USP34: variants seen among roughly 807,000 people sequenced by gnomAD.
USP34 encodes the protein ubiquitin carboxyl-terminal hydrolase 34.
A neutral mutation model predicts 460.3 loss-of-function variants in USP34; 70 were observed. That is an observed-to-expected ratio of 0.15 (90% confidence interval 0.13 to 0.19). The LOEUF is 0.19. USP34 is among the 10% of genes least tolerant of loss of function. The pLI, the probability that USP34 is intolerant of heterozygous loss-of-function variation, is 1.00. For synonymous variants in USP34, 1,647 were observed against 1,405.3 expected, an observed-to-expected ratio of 1.17 and a Z score of -3.85; for missense variants, 3,985 against 4,236.2, an observed-to-expected ratio of 0.94 and a Z score of 1.65.
intron 50 of USP34, among the ~76,000 whole-genome samples, chr2:61,246,123 A>C (rs1284802182): frequency 6.6e-6 from 1 of 152,224 alleles, no homozygotes; most frequent in East Asian, 1.9e-4. Context: ...TCTCCAAGGA[A>C]AGGATTCAAA....
Position 61,339,674 on chromosome 2 carries a change from T to C in USP34, c.2508A>G (p.Val836=), listed in dbSNP as rs367761935. 4.0e-6 allele frequency: 6 copies of C among 1,481,910 alleles called. No homozygotes were observed. The highest frequency in any genetic ancestry group is 2.9e-5 in the African/African-American group (2 of 68,206). 91.8% of individuals were successfully genotyped at this position (1,481,910 alleles called of 1,614,324 possible). A position where few individuals can be genotyped will look rare whatever the true frequency, so the allele number is the denominator to read the frequency against. The change falls in exon 17 of 80, where the codon GTA becomes GTG. Residue 836 remains valine (V), a synonymous_variant. Coordinates refer to ENST00000398571, the MANE Select transcript of USP34 (RefSeq NM_014709.4). Reference sequence around the variant, plus strand: ...TACTGTTGAATTGATGTTTATGAACTACAGGTCCTGAAGAGAAAAAAAAAA... The same window carrying C: ...TACTGTTGAATTGATGTTTATGAACCACAGGTCCTGAAGAGAAAAAAAAAA... ...IYHEHLSQGP[V]VHKHQFNSNA... is the part of the protein sequence containing the mutation.
chr2:61,241,840 T>C, intron 51 of USP34, 21 bp from the exon 52 acceptor site: 3 of 1,416,456 alleles, frequency 2.1e-6, no homozygotes, highest in Non-Finnish European at 2.9e-6. Context: ...ATACAAAAGT[T>C]TTACTTCTTT....
At chr2:61,292,381 A>G (rs1275117882) in intron 33 of USP34, among the ~76,000 whole-genome samples, 1 of 152,238 alleles carries the variant, frequency 6.6e-6, no homozygotes, top group Non-Finnish European at 1.5e-5. Flanking sequence ...CTTGGGCATT[A>G]TAAAGCTACA....
chr2:61,217,895 C>T (rs1427149869), intron 67 of USP34, among the ~76,000 whole-genome samples: 1 of 152,042 alleles, frequency 6.6e-6, no homozygotes, highest in Non-Finnish European at 1.5e-5. Flanking sequence ...GCGGAGGTTG[C>T]AGTGAGCCGA....
intron 74 of USP34, 131 bp from the exon 75 acceptor site, chr2:61,203,394 C>G: frequency 1.1e-6 from 1 of 885,420 alleles, no homozygotes; most frequent in Non-Finnish European, 1.5e-6. Context: ...GTTTTAAAAT[C>G]CAAATTTCTA....
chr2:61,203,287 G>T (rs1169445028), intron 74 of USP34, 24 bp from the exon 75 acceptor site: 1 of 1,488,830 alleles, frequency 6.7e-7, no homozygotes. Flanking sequence ...ATGATAAAAT[G>T]GTTGCACTTA....
At position 61,439,691 on chromosome 2, in the gene USP34, T is replaced by C. The variant is rs142845196; in HGVS notation, c.44-18858A>G. 2.8e-4 allele frequency among the ~76,000 whole-genome samples: 43 copies of C among 152,260 alleles called. 1 individual carries two copies. The highest frequency in any genetic ancestry group is 4.1e-4 in the South Asian group (2 of 4,824). ...AAGTGGCCCACACCTGACCTTGGCA[T>C]GTTTCTAAGAGAACAGACTTGCTGA... On this transcript the variant is annotated intron_variant, in intron 1 of 79. Transcript: ENST00000398571.
chr2:61,282,634 T>TA (rs1294079416), intron 37 of USP34, among the ~76,000 whole-genome samples: 1 of 151,884 alleles, frequency 6.6e-6, no homozygotes. Context: ...ACAAAAAAGT[T>TA]AAAAAACTAG....
intron 1 of USP34, among the ~76,000 whole-genome samples, chr2:61,456,750 C>T (rs1185361456): frequency 6.6e-6 from 1 of 152,024 alleles, no homozygotes; most frequent in African/African-American, 2.4e-5. Flanking sequence ...CCCAGGAGTT[C>T]ACGACCAGCC....
Position 61,331,189 on chromosome 2 carries a change from AT to A in USP34, c.2930+86del, listed in dbSNP as rs778082019. ...GTTTTCTGTTACAATTACTTATTAT[AT>A]GAAAAAAAGTTAAAACACTGGAAAA... On this transcript the variant is annotated intron_variant, in intron 20 of 79. Coordinates refer to ENST00000398571, the MANE Select transcript of USP34 (RefSeq NM_014709.4). 19 of 1,132,704 alleles carry A rather than the reference AT, an allele frequency of 1.7e-5. No homozygotes were observed. In the East Asian group the frequency reaches 1.9e-4, roughly 11 times the overall value. 70.2% of individuals were successfully genotyped at this position (1,132,704 alleles called of 1,614,324 possible).
chr2:61,379,996 A>G (rs912649205), intron 7 of USP34, among the ~76,000 whole-genome samples, 173 bp downstream of exon 7: 4 of 152,260 alleles, frequency 2.6e-5, no homozygotes, highest in African/African-American at 9.6e-5. Context: ...TAAGCTTCAG[A>G]CTTATTTAAA....
Position 61,246,383 on chromosome 2 carries a change from T to C in USP34, c.6489A>G (p.Gly2163=). ...TATCTCTGATAAAGCTATAATAGTG[T>C]CCACCATCTGCCGTTCCTGTGTGAA... ...VTVHTGTADG[G]HYYSFIRDIV... The change falls in exon 50 of 80, where the codon GGA becomes GGG. Residue 2163 remains glycine, a synonymous_variant. Coordinates refer to ENST00000398571, the MANE Select transcript of USP34 (RefSeq NM_014709.4). 6.2e-7 allele frequency: 1 copy of C among 1,611,140 alleles called. No homozygotes were observed.
At chr2:61,397,087 G>A (rs1020874502) in intron 3 of USP34, among the ~76,000 whole-genome samples, 6 of 151,960 alleles carry the variant, frequency 3.9e-5, no homozygotes, top group Non-Finnish European at 7.4e-5. Context: ...AGAAGAGAAT[G>A]AAGAAAAAAG....
Position 61,314,830 on chromosome 2 carries a change from C to T in USP34, c.3382+45G>A, listed in dbSNP as rs747307188. On this transcript the variant is annotated intron_variant, in intron 24 of 79. Coordinates refer to ENST00000398571, the MANE Select transcript of USP34 (RefSeq NM_014709.4). ...GAAAAATTTTAGTTTCACAAAACAC[C>T]CTCACATAGAAATTACCTATCAGAC... 3.1e-6 allele frequency: 5 copies of T among 1,596,530 alleles called. No individual in the cohort carries two copies. The African/African-American group carries it at 4.1e-5, about 13-fold the overall frequency.
At position 61,380,325 on chromosome 2, in the gene USP34, C is replaced by A. The variant is rs1158779388; in HGVS notation, c.858G>T (p.Gln286His). 3 of 1,613,784 alleles carry A rather than the reference C, an allele frequency of 1.9e-6. No homozygotes were observed. Among genetic ancestry groups the A allele is most frequent in the African/African-American group, 1.3e-5 (1 of 75,052 alleles). ...LCKLSDQELR[Q>H]SAARNMADLM... ...AGTCAGCCATGTTACGAGCTGCACT[C>A]TGTCGTAACTCCTGATCCGAGAGCT... The change falls in exon 7 of 80, where the codon CAG becomes CAT. Residue 286 changes from glutamine to histidine, a missense_variant. Coordinates refer to ENST00000398571, the MANE Select transcript of USP34 (RefSeq NM_014709.4).
chr2:61,274,759 A>T (rs1331315470), intron 41 of USP34, among the ~76,000 whole-genome samples: 1 of 152,224 alleles, frequency 6.6e-6, no homozygotes, highest in Non-Finnish European at 1.5e-5. Flanking sequence ...GTACAGCCAT[A>T]AATTGGCTCA....
chr2:61,223,306 AAT>A lies in USP34; in HGVS notation c.7596-12_7596-11del. ...TGATAATGTCAAATGCCTGAAAGAA[AAT>A]ATTAGTGGAAATAAGTTTTTCTTCC... On this transcript the variant is annotated splice_polypyrimidine_tract_variant and intron_variant, in intron 62 of 79. Coordinates refer to ENST00000398571, the MANE Select transcript of USP34 (RefSeq NM_014709.4). The A allele has an allele frequency of 6.2e-7, 1 of 1,612,782 alleles. No individual in the cohort carries two copies. The highest frequency in any genetic ancestry group is 8.5e-7 in the Non-Finnish European group (1 of 1,179,598).
rs192946036 is a variant in USP34 at position 61,255,951 on chromosome 2, C to T, written c.6221+433G>A. Among the ~76,000 whole-genome samples the T allele has an allele frequency of 2.0e-5, 3 of 152,304 alleles. No homozygotes were observed. The East Asian group carries it at 5.8e-4, about 29-fold the overall frequency. ...AACTTTATCATAGGTATGTTATGCA[C>T]AGCAAAAAGCAGTATATATAGGGTT... On this transcript the variant is annotated intron_variant, in intron 48 of 79. Coordinates refer to ENST00000398571, the MANE Select transcript of USP34 (RefSeq NM_014709.4).
chr2:61,242,789 C>A (rs1276080716), intron 51 of USP34, among the ~76,000 whole-genome samples: 1 of 152,100 alleles, frequency 6.6e-6, no homozygotes, highest in Non-Finnish European at 1.5e-5. Context: ...AGACAAGCAG[C>A]ATTATGGGCA....
Sources: allele counts gnomAD v4.1 joint callset (sites outside exome capture counted in the v4.1 genomes callset), GRCh38; gene constraint gnomAD v4.1.1; transcripts MANE v1.5; gene names NCBI Gene and HGNC (gene_info 2026-07-23, HGNC 2026-07-21).